Variants in FAM227B observed in about 807,000 individuals in gnomAD.
FAM227B encodes the protein family with sequence similarity 227 member B.
In FAM227B, 88 loss-of-function variants were observed where a neutral mutation model predicts 73.8. The observed-to-expected ratio is 1.19, with a 90% CI of 1.00 to 1.42. The LOEUF is 1.42. Among genes scored for constraint, FAM227B ranks in the 40% most tolerant of loss-of-function variants. The pLI is 0.00. For synonymous variants in FAM227B, 210 were observed against 190.5 expected (o/e 1.10, Z -0.84); for missense variants, 632 against 590.9 (o/e 1.07, Z -0.72).
intron 11 of FAM227B, among the ~76,000 whole-genome samples, chr15:49,501,514 G>A (rs2058132970): frequency 6.6e-6 from 1 of 152,224 alleles, no homozygotes; most frequent in Non-Finnish European, 1.5e-5. Flanking sequence ...GGGTATTCAA[G>A]ATGTAACCCT....
At chr15:49,361,931 A>G (rs1333440495) in intron 13 of FAM227B, among the ~76,000 whole-genome samples, 1 of 152,088 alleles carries the variant, frequency 6.6e-6, no homozygotes, top group Non-Finnish European at 1.5e-5. Flanking sequence ...TTTCCATAGT[A>G]GCCATTCTAA....
chr15:49,579,193 C>G (rs1049395360), intron 5 of FAM227B, among the ~76,000 whole-genome samples: 3 of 152,104 alleles, frequency 2.0e-5, no homozygotes, highest in Non-Finnish European at 4.4e-5. Context: ...TTCTTATATA[C>G]TATTGGTGGG....
chr15:49,359,850 A>C (rs149277397), intron 13 of FAM227B, among the ~76,000 whole-genome samples: 37,189 of 114,580 alleles, frequency 0.32, 6,488 homozygotes, highest in African/African-American at 0.35. Flanking sequence ...AAATGTCCAA[A>C]AATGATAGAC....
chr15:49,584,397 C>T (rs532673972), intron 5 of FAM227B, among the ~76,000 whole-genome samples: 1 of 152,302 alleles, frequency 6.6e-6, no homozygotes, highest in East Asian at 1.9e-4. Flanking sequence ...GACAAACTTA[C>T]AGCCAATGTC....
chr15:49,461,505 A>G (rs2053795101), intron 11 of FAM227B, among the ~76,000 whole-genome samples: 1 of 152,206 alleles, frequency 6.6e-6, no homozygotes, highest in East Asian at 1.9e-4. Flanking sequence ...TGCATATTTC[A>G]TGCTCTATAC....
chr15:49,374,022 G>C (rs1414615633), intron 11 of FAM227B, among the ~76,000 whole-genome samples: 2 of 152,118 alleles, frequency 1.3e-5, no homozygotes, highest in African/African-American at 4.8e-5. Flanking sequence ...CTTGTTTTAA[G>C]TTAAAATGCT....
At chr15:49,364,637 T>C (rs1420345729) in intron 13 of FAM227B, among the ~76,000 whole-genome samples, 3 of 152,196 alleles carry the variant, frequency 2.0e-5, no homozygotes, top group Non-Finnish European at 4.4e-5. Context: ...CAAAATTTTA[T>C]ATTTCTAACC....
At chr15:49,464,103 C>G (rs2054054828) in intron 11 of FAM227B, among the ~76,000 whole-genome samples, 1 of 152,050 alleles carries the variant, frequency 6.6e-6, no homozygotes, top group Non-Finnish European at 1.5e-5. Flanking sequence ...CATTGGCTAA[C>G]TACTGTGATA....
chr15:49,614,856 A>G, intron 2 of FAM227B: 2 of 409,430 alleles, frequency 4.9e-6, no homozygotes, highest in South Asian at 7.7e-5. Flanking sequence ...CTTCCTTGCT[A>G]TATAAAACCC....
chr15:49,492,409 C>A lies in FAM227B; in HGVS notation c.1012+15802G>T, dbSNP rs374444991. 2.6e-5 allele frequency among the ~76,000 whole-genome samples: 4 copies of A among 151,724 alleles called. No individual in the cohort carries two copies. In the East Asian group the frequency reaches 7.7e-4, roughly 29 times the overall value. On this transcript the variant is annotated intron_variant, in intron 11 of 15. Coordinates refer to ENST00000299338, the MANE Select transcript of FAM227B (RefSeq NM_152647.3). ...TCAGCTTTTCTCCCTTTTCTTTATTCCTGTCTGTTATTGTTTTGCTAGGTG... is the reference window on the plus strand; with the variant it reads ...TCAGCTTTTCTCCCTTTTCTTTATTACTGTCTGTTATTGTTTTGCTAGGTG...
At chr15:49,586,677 A>T (rs906381121) in intron 5 of FAM227B, among the ~76,000 whole-genome samples, 1 of 151,738 alleles carries the variant, frequency 6.6e-6, no homozygotes, top group African/African-American at 2.4e-5. Flanking sequence ...CACGGAACTT[A>T]ATAAGAAAAA....
intron 11 of FAM227B, chr15:49,487,998 A>C (rs1458253318): frequency 1.3e-5 from 2 of 151,954 alleles, no homozygotes; most frequent in Admixed American, 6.6e-5. Flanking sequence ...GCTAAAGAAA[A>C]CCAGAACTCA....
intron 11 of FAM227B, among the ~76,000 whole-genome samples, chr15:49,396,792 T>A (rs1285918690): frequency 2.0e-5 from 3 of 150,510 alleles, no homozygotes; most frequent in African/African-American, 7.3e-5. Context: ...GGGTCCTGTC[T>A]GTTAGAAGGA....
intron 11 of FAM227B, among the ~76,000 whole-genome samples, chr15:49,471,643 T>C (rs1338880705): frequency 6.6e-6 from 1 of 152,078 alleles, no homozygotes; most frequent in Non-Finnish European, 1.5e-5. Flanking sequence ...AAGTTATGAT[T>C]TTCTAATCAA....
chr15:49,613,497 T>G (rs2078090220), intron 2 of FAM227B, among the ~76,000 whole-genome samples: 1 of 152,130 alleles, frequency 6.6e-6, no homozygotes, highest in African/African-American at 2.4e-5. Flanking sequence ...CGAGACTCTC[T>G]CTAAAAAACA....
At chr15:49,363,031 T>A (rs1313130562) in intron 13 of FAM227B, among the ~76,000 whole-genome samples, 1 of 152,224 alleles carries the variant, frequency 6.6e-6, no homozygotes, top group Non-Finnish European at 1.5e-5. Context: ...TGTAGCCTTG[T>A]AGTGGAATCT....
At chr15:49,479,551 C>T (rs1478054499) in intron 11 of FAM227B, among the ~76,000 whole-genome samples, 7 of 145,256 alleles carry the variant, frequency 4.8e-5, no homozygotes, top group East Asian at 2.0e-4. Flanking sequence ...TTCTGAGCAA[C>T]TTCGTGGCTT....
chr15:49,610,710 T>G (rs1406703600), intron 3 of FAM227B, among the ~76,000 whole-genome samples: 2 of 152,114 alleles, frequency 1.3e-5, no homozygotes, highest in Admixed American at 6.5e-5. Context: ...TGCAGATGCA[T>G]GGATCCAAGG....
chr15:49,578,330 T>C (rs1169066603), intron 5 of FAM227B, among the ~76,000 whole-genome samples: 1 of 152,236 alleles, frequency 6.6e-6, no homozygotes, highest in Non-Finnish European at 1.5e-5. Context: ...GCACAGATCC[T>C]TCTTTGAAAA....
Sources: allele counts gnomAD v4.1 joint callset (sites outside exome capture counted in the v4.1 genomes callset), GRCh38; gene constraint gnomAD v4.1.1; transcripts MANE v1.5; gene names NCBI Gene and HGNC (gene_info 2026-07-23, HGNC 2026-07-21).